Variants in PRPF38A observed in about 807,000 individuals in gnomAD.
PRPF38A encodes the protein pre-mRNA processing factor 38A, also known as pre-mRNA-splicing factor 38A.
PRPF38A carries 11 observed loss-of-function variants against 46.8 expected under a neutral mutation model. That is an observed-to-expected ratio of 0.24 (90% CI 0.15 to 0.39). PRPF38A has a LOEUF of 0.39. Among genes scored for constraint, PRPF38A ranks in the 10% least tolerant of loss-of-function variants. The pLI, the probability that PRPF38A is intolerant of heterozygous loss-of-function variation, is 1.00. For missense variants in PRPF38A, 261 were observed against 407.5 expected (o/e 0.64, Z 3.10); for synonymous variants, 124 against 136.2 (o/e 0.91, Z 0.62).
intron 4 of PRPF38A, among the ~76,000 whole-genome samples, chr1:52,411,541 C>T (rs1278899493): frequency 6.6e-6 from 1 of 152,134 alleles, no homozygotes; most frequent in Non-Finnish European, 1.5e-5. Flanking sequence ...GAAATTTATT[C>T]AGGATGTTAC....
intron 4 of PRPF38A, 147 bp downstream of exon 4, chr1:52,411,347 T>C: frequency 1.7e-6 from 1 of 604,832 alleles, no homozygotes; most frequent in Admixed American, 3.1e-5. Context: ...AGTCCCAAGA[T>C]AGTGGATTGG....
chr1:52,408,788 C>T (rs536004932), intron 3 of PRPF38A, 98 bp downstream of exon 3: 18 of 1,384,198 alleles, frequency 1.3e-5, no homozygotes, highest in African/African-American at 8.6e-5. Flanking sequence ...TGTGAATGCT[C>T]CTTTTCATCT....
At position 52,415,443 on chromosome 1, in the gene PRPF38A, G is replaced by A. The variant is rs114791271; in HGVS notation, c.896+57G>A. The A allele has an allele frequency of 1.1e-3, 1,558 of 1,462,768 alleles. 20 individuals are homozygous for A. The African/African-American group carries it at 0.018, about 17-fold the overall frequency. The allele number at this position is 1,462,768 out of a possible 1,614,324, so 90.6% of individuals were successfully genotyped here. A position where few individuals can be genotyped will look rare whatever the true frequency, so the allele number is the denominator to read the frequency against. On this transcript the variant is annotated intron_variant, in intron 9 of 9. Transcript: ENST00000257181. ...GAAATAGTCCAAATTACAACTAACT[G>A]GACCTGAAATTTTCTTGTTTTGTTG...
intron 2 of PRPF38A, among the ~76,000 whole-genome samples, chr1:52,406,476 T>G (rs1214915320): frequency 6.6e-6 from 1 of 152,204 alleles, no homozygotes; most frequent in Non-Finnish European, 1.5e-5. Context: ...AGGTGGTGGT[T>G]AAGAGGTGTA....
Position 52,414,844 on chromosome 1 carries a change from C to A in PRPF38A, c.832C>A (p.Arg278Ser), listed in dbSNP as rs1459815384. The change falls in exon 8 of 10, where the codon CGT (arginine) becomes AGT (serine). Residue 278 changes from arginine (R) to serine (S), a missense_variant. Arg to Ser is a moderately radical substitution (Grantham distance 110). Transcript: ENST00000257181. ...GTCCCGAGATCGGCGGCACAGATCC[C>A]GTTCCAAGTCCCCAGGTAAAGCTTG... The part of the protein sequence containing the change: ...SRSRDRRHRS[R>S]SKSPGHHRSH... 6.2e-7 allele frequency: 1 copy of A among 1,614,028 alleles called. No individual in the cohort carries two copies. Among genetic ancestry groups the A allele is most frequent in the Admixed American group, 1.7e-5 (1 of 60,012 alleles).
At chr1:52,411,241 C>T (rs766312213) in intron 4 of PRPF38A, 41 bp downstream of exon 4, 1 of 1,427,462 alleles carries the variant, frequency 7.0e-7, no homozygotes. Flanking sequence ...CCCTTCTCTT[C>T]CTAGACGGGC....
Position 52,419,110 on chromosome 1 carries a change from C to T in PRPF38A, c.*2420C>T, listed in dbSNP as rs1403518547. 2.0e-5 allele frequency: 3 copies of T among 152,248 alleles called. No homozygotes were observed. Among genetic ancestry groups the T allele is most frequent in the Non-Finnish European group, 4.4e-5 (3 of 68,094 alleles). The allele number at this position is 152,248 out of a possible 1,614,324, so 9.4% of individuals were successfully genotyped here. On this transcript the variant is annotated 3_prime_UTR_variant, in exon 10 of 10. Transcript: ENST00000257181. ...GTGGCTCACGCCTGTAATCCCAGCA[C>T]TTTGGGAGGCCGAGGCGGGCAGATC...
chr1:52,411,602 G>T (rs545754379), intron 4 of PRPF38A, among the ~76,000 whole-genome samples: 2 of 151,782 alleles, frequency 1.3e-5, no homozygotes, highest in South Asian at 2.1e-4. Flanking sequence ...CTTCATGAAC[G>T]TTTTTTTTAA....
At chr1:52,414,735 TG>T in intron 7 of PRPF38A, 26 bp from the exon 8 acceptor site, 2 of 1,613,998 alleles carry the variant, frequency 1.2e-6, no homozygotes, top group East Asian at 4.5e-5. Context: ...TAACCAGATC[TG>T]GTAGTCTGAC....
chr1:52,406,169 A>G (rs1432611666), intron 2 of PRPF38A, among the ~76,000 whole-genome samples: 2 of 151,652 alleles, frequency 1.3e-5, no homozygotes, highest in East Asian at 1.9e-4. Flanking sequence ...TTGTATTTTT[A>G]GTAGAGATGG....
At position 52,420,260 on chromosome 1, in the gene PRPF38A, A is replaced by G. The variant is rs1193343180; in HGVS notation, c.*3570A>G. 2.0e-5 allele frequency: 3 copies of G among 152,252 alleles called. No homozygotes were observed. The highest frequency in any genetic ancestry group is 4.4e-5 in the Non-Finnish European group (3 of 68,038). 9.4% of individuals were successfully genotyped at this position (152,252 alleles called of 1,614,324 possible). On this transcript the variant is annotated 3_prime_UTR_variant, in exon 10 of 10. Coordinates refer to ENST00000257181, the MANE Select transcript of PRPF38A (RefSeq NM_032864.4). ...AAAAACCGCCCAATAATGAAATTCA[A>G]CTAAAGAAGAAATGAATCAAATTAA...
At chr1:52,416,500 G>T (rs1181615984) in intron 9 of PRPF38A, 148 bp from the exon 10 acceptor site, 3 of 571,878 alleles carry the variant, frequency 5.2e-6, no homozygotes, top group African/African-American at 3.8e-5. Flanking sequence ...GTAGAGACAG[G>T]GTTTCACCAT....
intron 3 of PRPF38A, 179 bp downstream of exon 3, chr1:52,408,869 GTGTTGGCCT>G (rs1648072252): frequency 1.6e-6 from 1 of 644,798 alleles, no homozygotes; most frequent in South Asian, 2.2e-5. Context: ...TACTAGCTTC[GTGTTGGCCT>G]TACCCAGCCT....
At chr1:52,408,202 T>A (rs1648053220) in intron 2 of PRPF38A, 2 of 362,184 alleles carry the variant, frequency 5.5e-6, no homozygotes, top group Middle Eastern at 2.0e-3. Flanking sequence ...ATCGTGCCAC[T>A]GCACTGCAGC....
chr1:52,405,693 C>T lies in PRPF38A; in HGVS notation c.144C>T (p.Val48=), dbSNP rs541266485. ...TTTGTTTTTTAGCTGAACTTGTAGT[C>T]GATAAAGCCATGGAGTTAAGGTTTG... The part of the protein sequence containing the change: ...ECFGLTAELV[V]DKAMELRFVG... Residue 48 remains valine (V), a synonymous_variant, in exon 2 of 10, where the codon GTC becomes GTT. Transcript: ENST00000257181. The T allele has an allele frequency of 3.1e-6, 5 of 1,613,118 alleles. No homozygotes were observed. The highest frequency in any genetic ancestry group is 2.7e-5 in the African/African-American group (2 of 74,994).
At chr1:52,416,613 C>T (rs1392977800) in intron 9 of PRPF38A, 35 bp from the exon 10 acceptor site, 3 of 1,580,516 alleles carry the variant, frequency 1.9e-6, no homozygotes, top group Non-Finnish European at 2.6e-6. Context: ...CTGGCTGCTT[C>T]TTAATATAAT....
At chr1:52,407,239 G>A (rs1024455765) in intron 2 of PRPF38A, among the ~76,000 whole-genome samples, 2 of 152,116 alleles carry the variant, frequency 1.3e-5, no homozygotes, top group Non-Finnish European at 2.9e-5. Flanking sequence ...GGATGGTCCC[G>A]ATCTCCTGAC....
chr1:52,406,027 T>C (rs1647979171), intron 2 of PRPF38A, among the ~76,000 whole-genome samples, 188 bp downstream of exon 2: 2 of 152,206 alleles, frequency 1.3e-5, no homozygotes, highest in African/African-American at 2.4e-5. Flanking sequence ...CTCTCTGTGT[T>C]GCCCAGGCTG....
chr1:52,412,874 T>C (rs1411302290), intron 5 of PRPF38A, among the ~76,000 whole-genome samples: 4 of 152,028 alleles, frequency 2.6e-5, no homozygotes, highest in Non-Finnish European at 2.9e-5. Flanking sequence ...TTGTGGTGGG[T>C]GCCTGTAATC....
Sources: gnomAD v4.1 joint callset for allele counts (sites outside exome capture counted in the v4.1 genomes callset) on GRCh38, gnomAD v4.1.1 for gene constraint, MANE v1.5 for transcripts, NCBI Gene and HGNC (gene_info 2026-07-23, HGNC 2026-07-21) for gene names.